IGF1R: variants seen among roughly 807,000 people sequenced by gnomAD.
The protein encoded by IGF1R is insulin-like growth factor 1 receptor.
Under a neutral mutation model 144.6 loss-of-function variants are expected in IGF1R, and 44 were observed. The observed-to-expected ratio is 0.30, with a 90% CI of 0.24 to 0.39. IGF1R has a LOEUF of 0.39. IGF1R is among the 10% of genes least tolerant of loss of function. IGF1R has a pLI of 1.00. For missense variants in IGF1R, 1,355 were observed against 1,833.7 expected (o/e 0.74, Z 4.77); for synonymous variants, 795 against 722.8 (o/e 1.10, Z -1.60).
intron 2 of IGF1R, among the ~76,000 whole-genome samples, chr15:98,867,132 C>T (rs1385119330): frequency 3.4e-5 from 5 of 147,324 alleles, no homozygotes; most frequent in Non-Finnish European, 7.4e-5. Context: ...TGTAAAACTT[C>T]CTTGTGCCAG....
intron 3 of IGF1R, among the ~76,000 whole-genome samples, chr15:98,895,971 T>G (rs1256393345): frequency 1.3e-5 from 2 of 152,124 alleles, no homozygotes; most frequent in Non-Finnish European, 2.9e-5. Flanking sequence ...GGGCTAGCAT[T>G]TTGTCTGCTA....
Position 98,957,122 on chromosome 15 carries a change from A to C in IGF1R, c.3784A>C (p.Ile1262Leu). The change falls in exon 21 of 21, where the codon ATC (isoleucine) becomes CTC (leucine). Residue 1262 changes from isoleucine to leucine, a missense_variant. Physicochemically the swap from Ile to Leu is conservative, Grantham distance 5. Around this residue, in one of 7 missense-constraint regions of IGF1R, gnomAD observed 219 missense variants for 188.8 expected, o/e 1.16. Transcript: ENST00000650285. ...CAAGATGAGGCCTTCCTTCCTGGAG[A>C]TCATCAGCAGCATCAAAGAGGAGAT... ...NPKMRPSFLE[I>L]ISSIKEEMEP... 1 of 1,614,180 alleles carries C rather than the reference A, an allele frequency of 6.2e-7. No homozygotes were observed. The highest frequency in any genetic ancestry group is 8.5e-7 in the Non-Finnish European group (1 of 1,180,020).
chr15:98,668,779 A>G (rs2052809104), intron 1 of IGF1R, among the ~76,000 whole-genome samples: 1 of 147,272 alleles, frequency 6.8e-6, no homozygotes, highest in South Asian at 2.3e-4. Flanking sequence ...GTGGAATTCT[A>G]TTAAAAGCAG....
At chr15:98,693,276 T>C (rs1310624267) in intron 1 of IGF1R, among the ~76,000 whole-genome samples, 1 of 152,202 alleles carries the variant, frequency 6.6e-6, no homozygotes, top group Non-Finnish European at 1.5e-5. Context: ...GGGGAGCGTT[T>C]GCTTTGCCTT....
intron 2 of IGF1R, among the ~76,000 whole-genome samples, chr15:98,775,232 C>A (rs915459694): frequency 6.6e-6 from 1 of 152,156 alleles, no homozygotes; most frequent in Admixed American, 6.6e-5. Context: ...TCGTTCCCCC[C>A]ACCTCCACAT....
At chr15:98,728,725 C>T (rs917342131) in intron 2 of IGF1R, among the ~76,000 whole-genome samples, 2 of 152,224 alleles carry the variant, frequency 1.3e-5, no homozygotes, top group Non-Finnish European at 2.9e-5. Context: ...TGCACTCTCC[C>T]GAGGCCAGCT....
chr15:98,772,726 C>G (rs897926693), intron 2 of IGF1R, among the ~76,000 whole-genome samples: 1 of 151,436 alleles, frequency 6.6e-6, no homozygotes, highest in Non-Finnish European at 1.5e-5. Flanking sequence ...GCCACTGTGC[C>G]CAGCCAAAAG....
rs2011119689 is a variant in IGF1R, at chr15:98,838,170, G to A, written c.641-53155G>A. Among the ~76,000 whole-genome samples, 4 of 152,120 alleles carry A rather than the reference G, an allele frequency of 2.6e-5. No homozygotes were observed. The South Asian group carries it at 6.2e-4, about 24-fold the overall frequency. On this transcript the variant is annotated intron_variant, in intron 2 of 20. Coordinates refer to ENST00000650285, the MANE Select transcript of IGF1R (RefSeq NM_000875.5). Reference sequence around the variant, plus strand: ...TCAGCTTTTTTATTTTCTTCCATCAGTGGGACAAAGTTGACATCATTGCCT... The same window carrying A: ...TCAGCTTTTTTATTTTCTTCCATCAATGGGACAAAGTTGACATCATTGCCT...
intron 6 of IGF1R, among the ~76,000 whole-genome samples, chr15:98,909,958 T>C (rs534828067): frequency 6.6e-6 from 1 of 152,326 alleles, no homozygotes; most frequent in African/African-American, 2.4e-5. Context: ...CACCTTTGGC[T>C]TTTAATAAGG....
intron 19 of IGF1R, among the ~76,000 whole-genome samples, chr15:98,946,265 C>G (rs2016550721): frequency 6.6e-6 from 1 of 151,844 alleles, no homozygotes; most frequent in South Asian, 2.1e-4. Context: ...GTAGGGAGCA[C>G]CTGCTGCAGG....
At chr15:98,850,871 TTGATTGAGTGCATATTGTGGAC>T (rs59057074) in intron 2 of IGF1R, among the ~76,000 whole-genome samples, 11,498 of 152,152 alleles carry the variant, frequency 0.076, 624 homozygotes, top group African/African-American at 0.15. Flanking sequence ...TTGGCAAGAC[TTGATTGAGTGCATATTGTGGAC>T]CTGTGTCTCC....
At chr15:98,701,747 G>A (rs1359803147) in intron 1 of IGF1R, among the ~76,000 whole-genome samples, 1 of 152,152 alleles carries the variant, frequency 6.6e-6, no homozygotes, top group Non-Finnish European at 1.5e-5. Context: ...GATAATCAGT[G>A]TTTTTGCTAA....
chr15:98,707,075 C>A lies in IGF1R; in HGVS notation c.95-487C>A, dbSNP rs28393785. Among the ~76,000 whole-genome samples, 48 of 152,186 alleles carry A rather than the reference C, an allele frequency of 3.2e-4. No homozygotes were observed. In the South Asian group the frequency reaches 1.0e-2, roughly 32 times the overall value. On this transcript the variant is annotated intron_variant, in intron 1 of 20. Coordinates refer to ENST00000650285, the MANE Select transcript of IGF1R (RefSeq NM_000875.5). This position sits in a 1 kb window ranked among gnomAD's most constrained non-coding sequence, Gnocchi z 6.7. ...GTCCCCACTTTACAAGTCACAGTGA[C>A]GGTTCTCCAGTGTAGAGTAGATTGA...
rs568320916 is a variant in IGF1R at position 98,910,031 on chromosome 15, GAC to G, written c.1462+1138_1462+1139del. ...GGTGATTTGTGCGTGTGTGCAGACA[GAC>G]ACACATGCAGGGAGGCAAATCAGAA... On this transcript the variant is annotated intron_variant, in intron 6 of 20. Transcript: ENST00000650285. 5.9e-5 allele frequency among the ~76,000 whole-genome samples: 9 copies of G among 152,310 alleles called. No homozygotes were observed. The East Asian group carries it at 1.7e-3, about 29-fold the overall frequency.
intron 1 of IGF1R, among the ~76,000 whole-genome samples, chr15:98,657,311 G>T (rs2052509883): frequency 6.6e-6 from 1 of 152,232 alleles, no homozygotes. Context: ...GAAGCATGGA[G>T]AGAAATTCCA....
intron 2 of IGF1R, among the ~76,000 whole-genome samples, chr15:98,874,778 GA>G (rs1229829654): frequency 2.0e-5 from 3 of 152,234 alleles, no homozygotes; most frequent in Non-Finnish European, 4.4e-5. Flanking sequence ...CAGTGAAGCA[GA>G]ACAAACTGAT....
At chr15:98,904,187 G>A (rs1043654844) in intron 5 of IGF1R, among the ~76,000 whole-genome samples, 1 of 151,884 alleles carries the variant, frequency 6.6e-6, no homozygotes, top group East Asian at 1.9e-4. Context: ...GAGTAGCCGG[G>A]ACTACAGGCG....
At chr15:98,873,090 G>C (rs2141610505) in intron 2 of IGF1R, among the ~76,000 whole-genome samples, 1 of 152,232 alleles carries the variant, frequency 6.6e-6, no homozygotes, top group South Asian at 2.1e-4. Flanking sequence ...GCCACTTCAG[G>C]GGATGTGCAC....
chr15:98,687,230 T>G (rs2053350829), intron 1 of IGF1R, among the ~76,000 whole-genome samples: 1 of 152,178 alleles, frequency 6.6e-6, no homozygotes, highest in South Asian at 2.1e-4. Context: ...GGGATCACAG[T>G]CCAGTAGGTA....
Sources: allele counts gnomAD v4.1 joint callset (sites outside exome capture counted in the v4.1 genomes callset), GRCh38; gene constraint gnomAD v4.1.1; regional missense constraint gnomAD v4.1.1; non-coding constraint Gnocchi (gnomAD v3.1); transcripts MANE v1.5; gene names NCBI Gene and HGNC (gene_info 2026-07-23, HGNC 2026-07-21).